ABCG1: variants seen among roughly 807,000 people sequenced by gnomAD.
ABCG1 encodes the protein ATP binding cassette subfamily G member 1, also known as ATP-binding cassette sub-family G member 1.
In ABCG1, 29 loss-of-function variants were observed where a neutral mutation model predicts 69.2. The observed-to-expected ratio is 0.42, with a 90% confidence interval of 0.31 to 0.57. ABCG1 has a LOEUF of 0.57. Among genes scored for constraint, ABCG1 ranks in the 20% least tolerant of loss-of-function variants. The probability of loss-of-function intolerance (pLI) is 0.15; values close to 1 mark genes in which losing one functional copy is unlikely to be tolerated. For synonymous variants in ABCG1, 370 were observed against 374.8 expected, an observed-to-expected ratio of 0.99 and a Z score of 0.15; for missense variants, 718 against 898.1, an observed-to-expected ratio of 0.80 and a Z score of 2.56.
At chr21:42,211,798 A>G (rs1189527022), upstream of ABCG1, among the ~76,000 whole-genome samples, 2 of 151,792 alleles carry the variant, frequency 1.3e-5, no homozygotes, top group African/African-American at 4.8e-5. Flanking sequence ...CTGAGGCAGG[A>G]GAATCGCTGG....
chr21:42,235,819 T>C (rs1461641958), intron 2 of ABCG1, among the ~76,000 whole-genome samples: 8 of 152,176 alleles, frequency 5.3e-5, no homozygotes, highest in Admixed American at 6.5e-5. Flanking sequence ...CGATAAGGCA[T>C]GTCAGACGGA....
At chr21:42,248,125 A>G (rs928992669) in intron 2 of ABCG1, among the ~76,000 whole-genome samples, 4 of 152,226 alleles carry the variant, frequency 2.6e-5, no homozygotes, top group Non-Finnish European at 5.9e-5. Flanking sequence ...CATAGAGAGG[A>G]GGATAAAGAA....
chr21:42,242,618 T>C (rs2068068303), intron 2 of ABCG1, among the ~76,000 whole-genome samples: 1 of 152,134 alleles, frequency 6.6e-6, no homozygotes, highest in South Asian at 2.1e-4. Flanking sequence ...GGAAGGAGCA[T>C]GATGAGAGGT....
Position 42,228,177 on chromosome 21 carries a change from C to T in ABCG1, c.286+2263C>T, listed in dbSNP as rs77447133. Among the ~76,000 whole-genome samples, 199 of 152,250 alleles carry T rather than the reference C, an allele frequency of 1.3e-3. 2 individuals carry two copies. Among genetic ancestry groups the T allele is most frequent in the African/African-American group, 4.4e-3 (184 of 41,530 alleles). On this transcript the variant is annotated intron_variant, in intron 2 of 14. Transcript: ENST00000398449. ...TCCATTCTTAGGAGCGCAGCCCGGG[C>T]GGGGTGGCCACCAGATAGAGACTTG...
intron 2 of ABCG1, among the ~76,000 whole-genome samples, chr21:42,264,385 C>A (rs1031896875): frequency 6.6e-6 from 1 of 152,222 alleles, no homozygotes; most frequent in South Asian, 2.1e-4. Flanking sequence ...ATCTGTCTGT[C>A]CCTCTGTCCA....
At chr21:42,262,423 C>T (rs990599947) in intron 2 of ABCG1, among the ~76,000 whole-genome samples, 1 of 152,218 alleles carries the variant, frequency 6.6e-6, no homozygotes, top group African/African-American at 2.4e-5. Flanking sequence ...CATCTCACTG[C>T]ATCAGCGCTG....
At chr21:42,293,963 TCCACACACAC>T (rs2069151103) in intron 13 of ABCG1, among the ~76,000 whole-genome samples, 2 of 26,974 alleles carry the variant, frequency 7.4e-5, no homozygotes, top group Admixed American at 7.1e-4. Flanking sequence ...ACACACACAC[TCCACACACAC>T]ACTCCACACA....
intron 2 of ABCG1, among the ~76,000 whole-genome samples, chr21:42,204,047 G>A (rs9977571): frequency 0.15 from 22,156 of 152,122 alleles, 1,791 homozygotes; most frequent in East Asian, 0.24. Context: ...GTGTCCATGT[G>A]TTCATTGACA....
chr21:42,283,616 C>T (rs2068854931), intron 6 of ABCG1, among the ~76,000 whole-genome samples: 1 of 152,166 alleles, frequency 6.6e-6, no homozygotes, highest in South Asian at 2.1e-4. Context: ...ACTAGACCAC[C>T]TGAGGCACAG....
At chr21:42,274,675 A>G (rs2123744051) in intron 4 of ABCG1, among the ~76,000 whole-genome samples, 1 of 151,998 alleles carries the variant, frequency 6.6e-6, no homozygotes, top group Non-Finnish European at 1.5e-5. Flanking sequence ...GGGTTTCACT[A>G]TGTTGGCCAG....
intron 2 of ABCG1, among the ~76,000 whole-genome samples, chr21:42,264,325 A>G (rs1248663905): frequency 6.6e-6 from 1 of 152,210 alleles, no homozygotes; most frequent in Non-Finnish European, 1.5e-5. Context: ...AATTTTAAAC[A>G]TTACTAAATG....
At position 42,278,518 on chromosome 21, in the gene ABCG1, G is replaced by A. The variant is rs145853554; in HGVS notation, c.588+1573G>A. Among the ~76,000 whole-genome samples, 1,253 of 152,322 alleles carry A rather than the reference G, an allele frequency of 8.2e-3. 12 individuals carry two copies. The highest frequency in any genetic ancestry group is 0.017 in the Middle Eastern group (5 of 294). ...CAGTCTAACTGTGTCCCTGTAAGAA[G>A]AGGAGAGGAGGACCCAGACACACCA... On this transcript the variant is annotated intron_variant, in intron 5 of 14. Coordinates refer to ENST00000398449, the MANE Select transcript of ABCG1 (RefSeq NM_016818.3).
intron 2 of ABCG1, among the ~76,000 whole-genome samples, chr21:42,230,734 C>T (rs2067889264): frequency 1.3e-5 from 2 of 152,232 alleles, no homozygotes; most frequent in African/African-American, 2.4e-5. Context: ...TACTCGTACA[C>T]TGCCCATCCC....
chr21:42,279,591 C>A (rs117917568), intron 5 of ABCG1, among the ~76,000 whole-genome samples: 1 of 152,204 alleles, frequency 6.6e-6, no homozygotes, highest in Non-Finnish European at 1.5e-5. Flanking sequence ...TGGATGGTTT[C>A]TTTAAGGTCT....
At chr21:42,263,691 A>AAGAC (rs1330328735) in intron 2 of ABCG1, among the ~76,000 whole-genome samples, 1 of 152,188 alleles carries the variant, frequency 6.6e-6, no homozygotes, top group Admixed American at 6.5e-5. Flanking sequence ...TATGTAACAC[A>AAGAC]AGACAGACGG....
chr21:42,208,385 A>G (rs989834413), intron 2 of ABCG1, among the ~76,000 whole-genome samples: 4 of 151,948 alleles, frequency 2.6e-5, no homozygotes, highest in Admixed American at 6.6e-5. Context: ...TCCTTTTCCT[A>G]TCTTCTAGAG....
intron 5 of ABCG1, among the ~76,000 whole-genome samples, chr21:42,278,085 G>C (rs1271269139): frequency 6.6e-6 from 1 of 152,188 alleles, no homozygotes; most frequent in Non-Finnish European, 1.5e-5. Context: ...TGTTGCTACA[G>C]AAAATGTTCT....
At chr21:42,264,030 C>T (rs920716181) in intron 2 of ABCG1, among the ~76,000 whole-genome samples, 7 of 152,198 alleles carry the variant, frequency 4.6e-5, no homozygotes, top group Admixed American at 1.3e-4. Context: ...CTCACGTCCT[C>T]ATGGAGCTGA....
At position 42,291,184 on chromosome 21, in the gene ABCG1, C is replaced by T; in HGVS notation, c.1486C>T (p.Pro496Ser). 6.2e-7 allele frequency: 1 copy of T among 1,612,960 alleles called. No homozygotes were observed. The highest frequency in any genetic ancestry group is 1.7e-4 in the Middle Eastern group (1 of 5,924). Residue 496 changes from proline to serine, a missense_variant, in exon 12 of 15, where the codon CCC (proline) becomes TCC (serine). Around this residue, in one of 2 missense-constraint regions of ABCG1, gnomAD observed 204 missense variants for 323.8 expected, o/e 0.63. Transcript: ENST00000398449. This position sits in a 1 kb window ranked among gnomAD's most constrained non-coding sequence, Gnocchi z 6.4. ...CCTGGCCAAGACCATGGCAGACGTGCCCTTTCAGGTGTGTTAGCCAGGGGC... is the reference window on the plus strand; with the variant it reads ...CCTGGCCAAGACCATGGCAGACGTGTCCTTTCAGGTGTGTTAGCCAGGGGC... ...YYLAKTMADV[P>S]FQIMFPVAYC...
Sources: gnomAD v4.1 joint callset for allele counts (sites outside exome capture counted in the v4.1 genomes callset) on GRCh38, gnomAD v4.1.1 for gene constraint, gnomAD v4.1.1 regional missense constraint, Gnocchi (gnomAD v3.1) non-coding constraint, MANE v1.5 for transcripts, NCBI Gene and HGNC (gene_info 2026-07-23, HGNC 2026-07-21) for gene names.